Variants in HSD17B3 observed in about 807,000 individuals in gnomAD.
HSD17B3 encodes the protein 17-beta-hydroxysteroid dehydrogenase type 3.
A neutral mutation model predicts 41.1 loss-of-function variants in HSD17B3; 29 were observed. The observed-to-expected ratio is 0.71, with a 90% CI of 0.53 to 0.96. HSD17B3 has a LOEUF of 0.96. Ranked by LOEUF, HSD17B3 falls within the 40% of genes least tolerant of loss-of-function variation. HSD17B3 has a pLI of 0.00. For missense variants in HSD17B3, 323 were observed against 374.6 expected (o/e 0.86, Z 1.14); for synonymous variants, 126 against 145.6 (o/e 0.87, Z 0.97).
At chr9:96,249,326 G>C (rs1007749651) in intron 6 of HSD17B3, among the ~76,000 whole-genome samples, 14 of 152,190 alleles carry the variant, frequency 9.2e-5, no homozygotes, top group African/African-American at 3.1e-4. Context: ...TTTGAGCTTT[G>C]ATTTAACAAA....
intron 10 of HSD17B3, among the ~76,000 whole-genome samples, chr9:96,238,380 G>T (rs980066689): frequency 6.6e-6 from 1 of 151,844 alleles, no homozygotes; most frequent in Non-Finnish European, 1.5e-5. Context: ...CTGTAGTTTT[G>T]GCTGGGTGTG....
At chr9:96,242,048 C>CAAA (rs1836480288) in intron 9 of HSD17B3, among the ~76,000 whole-genome samples, 1 of 144,064 alleles carries the variant, frequency 6.9e-6, no homozygotes, top group Non-Finnish European at 1.5e-5. Context: ...AAAAAATCCA[C>CAAA]AAAAGTTTTC....
intron 4 of HSD17B3, 63 bp downstream of exon 4, chr9:96,252,740 C>T: frequency 1.2e-6 from 1 of 849,150 alleles, no homozygotes; most frequent in Non-Finnish European, 2.1e-6. Flanking sequence ...AAATGTCACT[C>T]ATCAGTGTCA....
Position 96,256,800 on chromosome 9 carries a change from CA to C in HSD17B3, c.202-1858del, listed in dbSNP as rs758416416. On this transcript the variant is annotated intron_variant, in intron 2 of 10. Coordinates refer to ENST00000375263, the MANE Select transcript of HSD17B3 (RefSeq NM_000197.2). Reference sequence around the variant, plus strand: ...GTCTCAGAATCACCCAAGGAGAGGTCAAAAAAAAAAAACACTGATTCCCACC... The same window carrying C: ...GTCTCAGAATCACCCAAGGAGAGGTCAAAAAAAAAAACACTGATTCCCACC... Among the ~76,000 whole-genome samples, 1,343 of 135,748 alleles carry C rather than the reference CA, an allele frequency of 9.9e-3. 15 individuals are homozygous for C. Among genetic ancestry groups the C allele is most frequent in the Non-Finnish European group, 0.015 (906 of 62,350 alleles). The allele number at this position is 135,748 out of a possible 152,430, so 89.1% of individuals were successfully genotyped here.
chr9:96,278,560 G>A (rs1325962618), intron 2 of HSD17B3, among the ~76,000 whole-genome samples: 1 of 152,080 alleles, frequency 6.6e-6, no homozygotes, highest in East Asian at 1.9e-4. Flanking sequence ...GGGCTTGAGT[G>A]GGGCCACCCT....
At chr9:96,236,514 C>CATAAATAAATAA (rs10524217) in intron 10 of HSD17B3, among the ~76,000 whole-genome samples, 4,761 of 137,096 alleles carry the variant, frequency 0.035, 155 homozygotes, top group African/African-American at 0.072. Flanking sequence ...GAGAGTCTGT[C>CATAAATAAATAA]ATAAATAAAT....
intron 2 of HSD17B3, among the ~76,000 whole-genome samples, chr9:96,266,509 A>G (rs1057142564): frequency 6.6e-6 from 1 of 151,936 alleles, no homozygotes; most frequent in South Asian, 2.1e-4. Flanking sequence ...GCCTCAAGCT[A>G]TCCTCCTGCC....
At chr9:96,271,351 T>G (rs377269280) in intron 2 of HSD17B3, among the ~76,000 whole-genome samples, 20 of 152,296 alleles carry the variant, frequency 1.3e-4, no homozygotes, top group African/African-American at 4.6e-4. Context: ...TGGGCAAAAA[T>G]TAAACAATTT....
chr9:96,272,405 CTATATATATA>C (rs1199705437), intron 2 of HSD17B3, among the ~76,000 whole-genome samples: 33 of 21,526 alleles, frequency 1.5e-3, no homozygotes, highest in East Asian at 8.8e-3. Context: ...CTCTCTCTCT[CTATATATATA>C]TATATATATA....
intron 9 of HSD17B3, among the ~76,000 whole-genome samples, chr9:96,243,185 A>G (rs965320780): frequency 1.3e-5 from 2 of 152,190 alleles, no homozygotes; most frequent in African/African-American, 4.8e-5. Flanking sequence ...TTTAGGGGTT[A>G]TTTTTTTACT....
Position 96,254,794 on chromosome 9 carries a change from A to G in HSD17B3, c.277+74T>C, listed in dbSNP as rs777451196. 3.9e-6 allele frequency: 5 copies of G among 1,281,046 alleles called. No homozygotes were observed. The South Asian group carries it at 6.1e-5, about 16-fold the overall frequency. 79.4% of individuals were successfully genotyped at this position (1,281,046 alleles called of 1,614,324 possible). The stretch of plus-strand genomic sequence containing the variant: ...GAGCAGATGTGGGGATGCCAAGTAC[A>G]TCAACTGGCATGGTGGGAGCAGGCT... On this transcript the variant is annotated intron_variant, in intron 3 of 10. Transcript: ENST00000375263.
At chr9:96,241,961 A>AAG (rs1554692346) in intron 9 of HSD17B3, among the ~76,000 whole-genome samples, 3 of 100,696 alleles carry the variant, frequency 3.0e-5, no homozygotes, top group African/African-American at 8.3e-5. Flanking sequence ...AAAGAACAGA[A>AAG]AAAGAAAGAA....
At chr9:96,283,223 T>C (rs1218184201) in intron 2 of HSD17B3, among the ~76,000 whole-genome samples, 4 of 152,050 alleles carry the variant, frequency 2.6e-5, no homozygotes, top group Non-Finnish European at 5.9e-5. Flanking sequence ...CAGGCTGGTC[T>C]CAAACTCCTG....
At chr9:96,262,476 C>T (rs1246510124) in intron 2 of HSD17B3, among the ~76,000 whole-genome samples, 2 of 151,856 alleles carry the variant, frequency 1.3e-5, no homozygotes, top group East Asian at 1.9e-4. Context: ...GAACTCCTGA[C>T]CTTGTGATCC....
chr9:96,254,762 G>T, intron 3 of HSD17B3, 106 bp downstream of exon 3: 2 of 950,216 alleles, frequency 2.1e-6, no homozygotes, highest in Non-Finnish European at 1.7e-6. Context: ...GGTGCCCCAG[G>T]CTCTGAGAGC....
chr9:96,284,215 TAAAAAAAAAAAA>T (rs569621446), intron 2 of HSD17B3, among the ~76,000 whole-genome samples: 1 of 100,198 alleles, frequency 1.0e-5, no homozygotes, highest in Non-Finnish European at 2.0e-5. Flanking sequence ...GACTCCATCT[TAAAAAAAAAAAA>T]AAAAAAAAAA....
At chr9:96,274,524 T>C (rs186844822) in intron 2 of HSD17B3, among the ~76,000 whole-genome samples, 131 of 151,920 alleles carry the variant, frequency 8.6e-4, no homozygotes, top group African/African-American at 3.1e-3. Context: ...AATACATGAA[T>C]AAAATGAGAA....
intron 8 of HSD17B3, 50 bp downstream of exon 8, chr9:96,245,295 G>C: frequency 7.0e-7 from 1 of 1,420,662 alleles, no homozygotes; most frequent in Non-Finnish European, 1.0e-6. Context: ...TGCCAACTGG[G>C]AGAAATAAGA....
intron 2 of HSD17B3, among the ~76,000 whole-genome samples, chr9:96,272,087 G>T (rs1393969853): frequency 6.6e-6 from 1 of 151,730 alleles, no homozygotes; most frequent in Non-Finnish European, 1.5e-5. Flanking sequence ...TACATATATA[G>T]GTCAGGCACG....
Sources: allele counts gnomAD v4.1 joint callset (sites outside exome capture counted in the v4.1 genomes callset), GRCh38; gene constraint gnomAD v4.1.1; transcripts MANE v1.5; gene names NCBI Gene and HGNC (gene_info 2026-07-23, HGNC 2026-07-21).